CCDC149: variants seen among roughly 807,000 people sequenced by gnomAD.
The protein encoded by CCDC149 is coiled-coil domain containing 149.
In CCDC149, 45 loss-of-function variants were observed where a neutral mutation model predicts 59.9. The observed-to-expected ratio is 0.75, with a 90% CI of 0.59 to 0.96. The LOEUF (loss-of-function observed/expected upper bound fraction) is 0.96. Among genes scored for constraint, CCDC149 ranks in the 40% least tolerant of loss-of-function variants. The pLI is 0.00. For missense variants in CCDC149, 584 were observed against 664.7 expected, an observed-to-expected ratio of 0.88 and a Z score of 1.33; for synonymous variants, 245 against 260.6, an observed-to-expected ratio of 0.94 and a Z score of 0.58.
chr4:24,945,434 G>T (rs766883232), intron 1 of CCDC149, among the ~76,000 whole-genome samples: 1 of 152,046 alleles, frequency 6.6e-6, no homozygotes, highest in African/African-American at 2.4e-5. Flanking sequence ...CTAAGCTAAG[G>T]AAAACCAATG....
chr4:24,895,228 C>A (rs1577461178), intron 1 of CCDC149: 3 of 598,528 alleles, frequency 5.0e-6, no homozygotes, highest in Non-Finnish European at 9.1e-6. Flanking sequence ...GCATAGGAAG[C>A]CTTCTGGGGA....
intron 1 of CCDC149, among the ~76,000 whole-genome samples, chr4:24,901,392 G>A (rs1453106232): frequency 6.6e-6 from 1 of 152,126 alleles, no homozygotes; most frequent in African/African-American, 2.4e-5. Context: ...TTTCATTCAG[G>A]GACTGGCCAA....
At chr4:24,836,292 A>G in intron 7 of CCDC149, 144 bp downstream of exon 7, 1 of 653,768 alleles carries the variant, frequency 1.5e-6, no homozygotes, top group Non-Finnish European at 2.7e-6. Flanking sequence ...TGTACTGGTT[A>G]CCCCAGTTAA....
intron 3 of CCDC149, among the ~76,000 whole-genome samples, chr4:24,873,079 C>T (rs1034817703): frequency 6.6e-6 from 1 of 151,802 alleles, no homozygotes; most frequent in Non-Finnish European, 1.5e-5. Flanking sequence ...ACAGCAGGCA[C>T]CCACAGAATG....
At chr4:24,979,896 A>T (rs900762481) in intron 1 of CCDC149, among the ~76,000 whole-genome samples, 1 of 152,184 alleles carries the variant, frequency 6.6e-6, no homozygotes, top group South Asian at 2.1e-4. Flanking sequence ...CCACCCGAGA[A>T]TCTTGTTGTG....
chr4:24,853,385 AT>A, intron 3 of CCDC149: 1 of 547,978 alleles, frequency 1.8e-6, no homozygotes, highest in Non-Finnish European at 3.2e-6. Flanking sequence ...ATGAACCTCA[AT>A]TTGGAGATAT....
At chr4:24,974,346 G>A (rs1373844994) in intron 1 of CCDC149, among the ~76,000 whole-genome samples, 1 of 152,176 alleles carries the variant, frequency 6.6e-6, no homozygotes, top group African/African-American at 2.4e-5. Context: ...TTCTGCAGAG[G>A]AAACCCATAC....
chr4:24,962,224 T>C (rs188695518), intron 1 of CCDC149, among the ~76,000 whole-genome samples: 1 of 152,298 alleles, frequency 6.6e-6, no homozygotes, highest in East Asian at 1.9e-4. Context: ...TCATCATCAC[T>C]GGCCATCAGA....
intron 9 of CCDC149, among the ~76,000 whole-genome samples, chr4:24,824,184 G>A (rs1417232700): frequency 1.3e-5 from 2 of 152,164 alleles, no homozygotes; most frequent in African/African-American, 4.8e-5. Context: ...TATTTTTTCT[G>A]ATGTTTCGGG....
intron 3 of CCDC149, among the ~76,000 whole-genome samples, chr4:24,858,813 A>C (rs1271679181): frequency 6.6e-6 from 1 of 152,160 alleles, no homozygotes; most frequent in Non-Finnish European, 1.5e-5. Flanking sequence ...AAATTGATAG[A>C]GCTGTCGGAT....
chr4:24,887,546 C>A (rs1476572642), intron 1 of CCDC149, among the ~76,000 whole-genome samples: 1 of 152,108 alleles, frequency 6.6e-6, no homozygotes, highest in Non-Finnish European at 1.5e-5. Flanking sequence ...TCATAACTGC[C>A]CTTGCCTTCC....
At chr4:24,905,307 G>A (rs1011413085) in intron 1 of CCDC149, among the ~76,000 whole-genome samples, 6 of 151,254 alleles carry the variant, frequency 4.0e-5, no homozygotes, top group Non-Finnish European at 4.4e-5. Flanking sequence ...AACAGAGTCC[G>A]CCAAAGAGAA....
At chr4:24,897,512 A>G (rs748331093) in intron 1 of CCDC149, among the ~76,000 whole-genome samples, 3 of 152,260 alleles carry the variant, frequency 2.0e-5, no homozygotes, top group Admixed American at 1.3e-4. Flanking sequence ...GGAAAGGTAC[A>G]AGGAGACACA....
chr4:24,955,719 A>G (rs541871488), intron 1 of CCDC149, among the ~76,000 whole-genome samples: 2 of 152,338 alleles, frequency 1.3e-5, no homozygotes, highest in South Asian at 4.1e-4. Flanking sequence ...GCCAGAATCC[A>G]GGGGAGGAAG....
At chr4:24,965,855 C>T (rs960970688) in intron 1 of CCDC149, among the ~76,000 whole-genome samples, 6 of 152,182 alleles carry the variant, frequency 3.9e-5, no homozygotes, top group South Asian at 2.1e-4. Context: ...GGAGTGCAGG[C>T]GCAAAACCCC....
intron 4 of CCDC149, among the ~76,000 whole-genome samples, chr4:24,842,384 A>G (rs1320380789): frequency 1.3e-5 from 2 of 152,120 alleles, no homozygotes; most frequent in African/African-American, 4.8e-5. Context: ...AACCTTATCT[A>G]TGTAGTGCAG....
intron 1 of CCDC149, among the ~76,000 whole-genome samples, chr4:24,928,346 G>A (rs1404604263): frequency 1.3e-5 from 2 of 152,224 alleles, no homozygotes; most frequent in Non-Finnish European, 2.9e-5. Context: ...CAGGTGCCCA[G>A]GAAGGAGAAG....
chr4:24,967,410 A>C (rs1280205894), intron 1 of CCDC149, among the ~76,000 whole-genome samples: 1 of 152,180 alleles, frequency 6.6e-6, no homozygotes, highest in Non-Finnish European at 1.5e-5. Context: ...ACGGTGGACT[A>C]TCAGGAACTG....
chr4:24,887,243 G>A (rs1720237143), intron 1 of CCDC149, among the ~76,000 whole-genome samples: 1 of 136,850 alleles, frequency 7.3e-6, no homozygotes, highest in Non-Finnish European at 1.6e-5. Context: ...CCAGATAGCT[G>A]CTGCTGAGAG....
Sources: gnomAD v4.1 joint callset for allele counts (sites outside exome capture counted in the v4.1 genomes callset) on GRCh38, gnomAD v4.1.1 for gene constraint, MANE v1.5 for transcripts, NCBI Gene and HGNC (gene_info 2026-07-23, HGNC 2026-07-21) for gene names.